Variants in OXR1 observed in about 807,000 individuals in gnomAD.
The protein encoded by OXR1 is oxidation resistance protein 1.
Under a neutral mutation model 104.6 loss-of-function variants are expected in OXR1, and 41 were observed. That is an observed-to-expected ratio of 0.39 (90% CI 0.31 to 0.51). The LOEUF (loss-of-function observed/expected upper bound fraction) is 0.51, where lower values mean the gene tolerates loss of function less well. Among genes scored for constraint, OXR1 ranks in the 20% least tolerant of loss-of-function variants. The probability of loss-of-function intolerance (pLI) is 0.77; values close to 1 mark genes in which losing one functional copy is unlikely to be tolerated. For missense variants in OXR1, 955 were observed against 1,031.9 expected (o/e 0.93, Z 1.02); for synonymous variants, 348 against 348.4 (o/e 1.00, Z 0.01).
chr8:106,329,802 C>T (rs1814635748), intron 1 of OXR1, among the ~76,000 whole-genome samples: 2 of 151,996 alleles, frequency 1.3e-5, no homozygotes. Context: ...GAGCGGGTTG[C>T]ATGGGTGTGA....
At chr8:106,392,989 CG>C (rs1328322061) in intron 2 of OXR1, among the ~76,000 whole-genome samples, 2 of 152,138 alleles carry the variant, frequency 1.3e-5, no homozygotes, top group East Asian at 3.9e-4. Flanking sequence ...GCTCCCCACA[CG>C]GGGGATCTGG....
At chr8:106,697,807 A>G in intron 7 of OXR1, 1 of 1,612,420 alleles carries the variant, frequency 6.2e-7, no homozygotes, top group Non-Finnish European at 8.5e-7. Flanking sequence ...CTTGGGGTAC[A>G]GTGCATTATT....
Position 106,639,682 on chromosome 8 carries a change from T to C in OXR1, c.221-39528T>C, listed in dbSNP as rs1307696423. Reference sequence around the variant, plus strand: ...CTCAATAGGGCAACTTGGCTAAGATTGGGTAAGGATCATGATATGATAGTT... The same window carrying C: ...CTCAATAGGGCAACTTGGCTAAGATCGGGTAAGGATCATGATATGATAGTT... On this transcript the variant is annotated intron_variant, in intron 3 of 16. Transcript: ENST00000517566. Among the ~76,000 whole-genome samples the C allele has an allele frequency of 6.6e-5, 10 of 152,250 alleles. No homozygotes were observed. The East Asian group carries it at 1.9e-3, about 29-fold the overall frequency.
chr8:106,672,501 AG>A, intron 3 of OXR1, among the ~76,000 whole-genome samples: 1 of 105,136 alleles, frequency 9.5e-6, no homozygotes, highest in Non-Finnish European at 2.1e-5. Flanking sequence ...AGAAAGAAAG[AG>A]AGAGAAAGAA....
chr8:106,433,287 A>C (rs1003107063), intron 2 of OXR1, among the ~76,000 whole-genome samples: 1 of 152,078 alleles, frequency 6.6e-6, no homozygotes, highest in African/African-American at 2.4e-5. Context: ...CCAGATTATC[A>C]ATCTGAGTGG....
chr8:106,455,919 A>C (rs910936655), intron 2 of OXR1, among the ~76,000 whole-genome samples: 1 of 152,230 alleles, frequency 6.6e-6, no homozygotes, highest in African/African-American at 2.4e-5. Flanking sequence ...AATGCTGTTT[A>C]GTCACATAAT....
At chr8:106,547,664 T>C (rs575327046) in intron 3 of OXR1, among the ~76,000 whole-genome samples, 2 of 152,094 alleles carry the variant, frequency 1.3e-5, no homozygotes, top group African/African-American at 4.8e-5. Flanking sequence ...AGCTAATTTT[T>C]GTACATTTAG....
intron 1 of OXR1, among the ~76,000 whole-genome samples, chr8:106,302,896 C>T (rs1273195358): frequency 6.6e-6 from 1 of 151,298 alleles, no homozygotes; most frequent in African/African-American, 2.4e-5. Context: ...GGACTACAGG[C>T]GCCCGCCACC....
At chr8:106,357,252 C>A (rs1472461992) in intron 1 of OXR1, among the ~76,000 whole-genome samples, 1 of 151,260 alleles carries the variant, frequency 6.6e-6, no homozygotes, top group Non-Finnish European at 1.5e-5. Flanking sequence ...TAAACTGAAC[C>A]CTCGATAAAA....
chr8:106,392,703 C>T (rs1011969271), intron 2 of OXR1, among the ~76,000 whole-genome samples: 1 of 152,086 alleles, frequency 6.6e-6, no homozygotes, highest in African/African-American at 2.4e-5. Flanking sequence ...CTATAATTTT[C>T]CTGTAACCTA....
At chr8:106,719,887 G>A (rs1410047245) in intron 11 of OXR1, among the ~76,000 whole-genome samples, 1 of 152,054 alleles carries the variant, frequency 6.6e-6, no homozygotes, top group African/African-American at 2.4e-5. Context: ...CTCACTGCAA[G>A]CTCCGCCTCC....
chr8:106,346,958 G>A (rs1354264597), intron 1 of OXR1, among the ~76,000 whole-genome samples: 1 of 152,208 alleles, frequency 6.6e-6, no homozygotes, highest in African/African-American at 2.4e-5. Context: ...CAGGAGAATG[G>A]CGTGAACCCA....
chr8:106,353,308 C>T (rs1815814095), intron 1 of OXR1, among the ~76,000 whole-genome samples: 1 of 152,024 alleles, frequency 6.6e-6, no homozygotes, highest in Non-Finnish European at 1.5e-5. Flanking sequence ...GAGATCACGC[C>T]ACTGTACTCC....
At chr8:106,441,739 A>G (rs1238364502) in intron 2 of OXR1, among the ~76,000 whole-genome samples, 1 of 152,152 alleles carries the variant, frequency 6.6e-6, no homozygotes, top group African/African-American at 2.4e-5. Context: ...GTGTAAAGGA[A>G]TGCTTGTGAT....
chr8:106,551,821 C>T (rs911320945), intron 3 of OXR1, among the ~76,000 whole-genome samples: 2 of 143,600 alleles, frequency 1.4e-5, no homozygotes, highest in African/African-American at 5.4e-5. Context: ...TATACACACA[C>T]ACACACATAT....
intron 3 of OXR1, among the ~76,000 whole-genome samples, chr8:106,676,165 G>A (rs779422753): frequency 4.6e-5 from 7 of 151,914 alleles, no homozygotes; most frequent in Admixed American, 1.3e-4. Flanking sequence ...TTTGATTGGC[G>A]GATTTTTCTG....
chr8:106,466,596 G>A (rs190779905), intron 2 of OXR1, among the ~76,000 whole-genome samples: 1 of 150,054 alleles, frequency 6.7e-6, no homozygotes, highest in Non-Finnish European at 1.5e-5. Flanking sequence ...TACATTTATT[G>A]ACTTCCCCCC....
At chr8:106,690,643 C>T (rs987943722) in intron 6 of OXR1, among the ~76,000 whole-genome samples, 1 of 150,156 alleles carries the variant, frequency 6.7e-6, no homozygotes, top group Non-Finnish European at 1.5e-5. Flanking sequence ...AAATTGATCC[C>T]GATATTTTAA....
At chr8:106,352,487 AAAT>A (rs1303821591) in intron 1 of OXR1, among the ~76,000 whole-genome samples, 22 of 152,234 alleles carry the variant, frequency 1.4e-4, no homozygotes, top group African/African-American at 5.3e-4. Flanking sequence ...ATTTATCCAC[AAAT>A]ATAAACCGAT....
Sources: gnomAD v4.1 joint callset for allele counts (sites outside exome capture counted in the v4.1 genomes callset) on GRCh38, gnomAD v4.1.1 for gene constraint, MANE v1.5 for transcripts, NCBI Gene and HGNC (gene_info 2026-07-23, HGNC 2026-07-21) for gene names.